FGF12: variants seen among roughly 807,000 people sequenced by gnomAD.
FGF12 encodes fibroblast growth factor 12, also known as fibroblast growth factor 12B.
FGF12 carries 14 observed loss-of-function variants against 23.6 expected under a neutral mutation model. That is an observed-to-expected ratio of 0.59 (90% CI 0.39 to 0.93). The LOEUF (loss-of-function observed/expected upper bound fraction) is 0.93. Among genes scored for constraint, FGF12 ranks in the 40% least tolerant of loss-of-function variants. The probability of loss-of-function intolerance (pLI) is 0.00; values close to 1 mark genes in which losing one functional copy is unlikely to be tolerated. For missense variants in FGF12, 175 were observed against 217.8 expected, an observed-to-expected ratio of 0.80 and a Z score of 1.24; for synonymous variants, 62 against 77.3, an observed-to-expected ratio of 0.80 and a Z score of 1.04.
chr3:192,537,860 AT>A (rs1725265679), intron 2 of FGF12, among the ~76,000 whole-genome samples: 1 of 151,374 alleles, frequency 6.6e-6, no homozygotes, highest in Admixed American at 6.6e-5. Context: ...TACTCAAGAA[AT>A]TTTTGCCAAG....
chr3:192,161,150 T>C (rs867497340), intron 5 of FGF12, among the ~76,000 whole-genome samples: 1 of 152,044 alleles, frequency 6.6e-6, no homozygotes, highest in Non-Finnish European at 1.5e-5. Flanking sequence ...GACAGTTCCC[T>C]AAACTTAGTG....
intron 4 of FGF12, among the ~76,000 whole-genome samples, chr3:192,334,910 C>A (rs1182260584): frequency 1.3e-5 from 2 of 151,992 alleles, no homozygotes; most frequent in East Asian, 1.9e-4. Context: ...AAACATAGAC[C>A]TACTAAATAC....
chr3:192,162,182 G>C (rs183510543), intron 5 of FGF12, among the ~76,000 whole-genome samples: 17 of 152,184 alleles, frequency 1.1e-4, no homozygotes, highest in Admixed American at 1.0e-3. Flanking sequence ...TGTCTTAATA[G>C]CAGATCATAG....
At chr3:192,400,817 C>G (rs1056052330) in intron 2 of FGF12, among the ~76,000 whole-genome samples, 1 of 152,192 alleles carries the variant, frequency 6.6e-6, no homozygotes, top group Non-Finnish European at 1.5e-5. Context: ...GCACCTTCGA[C>G]TCTCCACTCA....
At chr3:192,350,227 G>A (rs1255873854) in intron 3 of FGF12, among the ~76,000 whole-genome samples, 2 of 152,070 alleles carry the variant, frequency 1.3e-5, no homozygotes, top group African/African-American at 2.4e-5. Flanking sequence ...AATCATAAGA[G>A]ATGTACAGTT....
chr3:192,146,010 C>T (rs1713678567), intron 5 of FGF12, among the ~76,000 whole-genome samples: 2 of 152,116 alleles, frequency 1.3e-5, no homozygotes, highest in Admixed American at 1.3e-4. Context: ...GCTCAATGCA[C>T]AGGGGAACGC....
chr3:192,322,044 T>A (rs944422561), intron 4 of FGF12, among the ~76,000 whole-genome samples: 2 of 152,008 alleles, frequency 1.3e-5, no homozygotes, highest in African/African-American at 4.8e-5. Context: ...TGTTTGCAGA[T>A]GATATGATAG....
chr3:192,654,923 T>C (rs2108679082), intron 2 of FGF12, among the ~76,000 whole-genome samples: 1 of 152,282 alleles, frequency 6.6e-6, no homozygotes, highest in East Asian at 1.9e-4. Context: ...ACTAGATTGA[T>C]GGACCACATT....
At chr3:192,571,765 C>G (rs922673587) in intron 2 of FGF12, among the ~76,000 whole-genome samples, 2 of 152,082 alleles carry the variant, frequency 1.3e-5, no homozygotes, top group Non-Finnish European at 2.9e-5. Context: ...TGCTTCTTCC[C>G]CACTCAAAGC....
At chr3:192,673,991 A>G (rs191767153) in intron 2 of FGF12, among the ~76,000 whole-genome samples, 1 of 151,160 alleles carries the variant, frequency 6.6e-6, no homozygotes, top group Non-Finnish European at 1.5e-5. Context: ...CAAATCATCT[A>G]ATTCTTGACT....
chr3:192,361,349 C>T (rs975427888), intron 2 of FGF12, among the ~76,000 whole-genome samples: 8 of 152,136 alleles, frequency 5.3e-5, no homozygotes, highest in Non-Finnish European at 7.4e-5. Context: ...CATCGCAGTG[C>T]TGGCTGCCAG....
intron 2 of FGF12, among the ~76,000 whole-genome samples, chr3:192,418,445 TC>T (rs1721419929): frequency 6.6e-6 from 1 of 152,170 alleles, no homozygotes; most frequent in South Asian, 2.1e-4. Flanking sequence ...TTCAGGCAAA[TC>T]CTTTGAACCA....
intron 2 of FGF12, among the ~76,000 whole-genome samples, chr3:192,424,163 A>G (rs1182730111): frequency 5.3e-5 from 8 of 152,046 alleles, no homozygotes; most frequent in Admixed American, 5.2e-4. Context: ...TTCACTGGCC[A>G]CTTCCCCAGA....
chr3:192,170,363 T>G (rs1384180163), intron 5 of FGF12, 95 bp downstream of exon 5: 5 of 925,256 alleles, frequency 5.4e-6, no homozygotes, highest in Middle Eastern at 6.6e-4. Context: ...ATCTGTTGCA[T>G]TCCAGGCAAA....
At chr3:192,466,019 A>G (rs1265973253) in intron 2 of FGF12, among the ~76,000 whole-genome samples, 4 of 152,160 alleles carry the variant, frequency 2.6e-5, no homozygotes, top group African/African-American at 9.6e-5. Flanking sequence ...TACTGTGAGC[A>G]TTGTGCGATC....
At chr3:192,277,750 G>A (rs144412320) in intron 4 of FGF12, among the ~76,000 whole-genome samples, 26 of 152,168 alleles carry the variant, frequency 1.7e-4, no homozygotes, top group Non-Finnish European at 3.2e-4. Context: ...CTCCTATCCC[G>A]TACACATACA....
At chr3:192,621,095 G>A (rs1714959807) in intron 2 of FGF12, among the ~76,000 whole-genome samples, 1 of 151,996 alleles carries the variant, frequency 6.6e-6, no homozygotes, top group Non-Finnish European at 1.5e-5. Context: ...GCAATCCATT[G>A]TTGACTTTAA....
At chr3:192,596,708 C>A (rs1161809656) in intron 2 of FGF12, among the ~76,000 whole-genome samples, 1 of 152,160 alleles carries the variant, frequency 6.6e-6, no homozygotes, top group African/African-American at 2.4e-5. Context: ...TCTTAAAATG[C>A]AATTGGACCC....
chr3:192,600,240 A>G (rs1714057163), intron 2 of FGF12, among the ~76,000 whole-genome samples: 1 of 148,546 alleles, frequency 6.7e-6, no homozygotes, highest in African/African-American at 2.5e-5. Context: ...CATCTGTTCC[A>G]TTGGTCTATG....
Sources: allele counts gnomAD v4.1 joint callset (sites outside exome capture counted in the v4.1 genomes callset), GRCh38; gene constraint gnomAD v4.1.1; transcripts MANE v1.5; gene names NCBI Gene and HGNC (gene_info 2026-07-23, HGNC 2026-07-21).